PHEX: variants seen among roughly 807,000 people sequenced by gnomAD.
PHEX encodes the protein phosphate-regulating neutral endopeptidase PHEX.
Under a neutral mutation model 68.0 loss-of-function variants are expected in PHEX, and 16 were observed. The ratio of observed to expected loss-of-function variants is 0.24; its 90% CI spans 0.16 to 0.36. PHEX has a LOEUF of 0.36. PHEX is among the 10% of genes least tolerant of loss of function. The pLI is 1.00. For missense variants in PHEX, 480 were observed against 575.5 expected (o/e 0.83, Z 1.70); for synonymous variants, 208 against 205.1 (o/e 1.01, Z -0.12).
chrX:22,043,317 C>T (rs1022807532), intron 2 of PHEX, among the ~76,000 whole-genome samples: 5 of 112,133 alleles, frequency 4.5e-5, no homozygotes, highest in Non-Finnish European at 7.5e-5. Context: ...CTATTTGGTA[C>T]CTACTTATTC....
Position 22,179,019 on chromosome X carries a change from A to T in PHEX, c.1586+643A>T, listed in dbSNP as rs759927307. Among the ~76,000 whole-genome samples the T allele has an allele frequency of 9.8e-5, 11 of 112,213 alleles. No homozygotes were observed. In the East Asian group the frequency reaches 3.1e-3, roughly 31 times the overall value. ...TTATTATTTGTTTACATTGTACCAG[A>T]AAGTGCTTTACAATTTTTAATTCAT... On this transcript the variant is annotated intron_variant, in intron 14 of 21. Coordinates refer to ENST00000379374, the MANE Select transcript of PHEX (RefSeq NM_000444.6).
Position 22,249,453 on chromosome X carries a change from A to ATATATATATATATATATATAT in PHEX, c.*1500_*1501insTATATATATATATATATATAT, listed in dbSNP as rs1222771440. ...ATTTGTGATTCTTTTAAAAAAAAAA[A>ATATATATATATATATATATAT]AAATATATATATATATATATATATA... is the stretch of plus-strand genomic sequence containing the variant. On this transcript the variant is annotated 3_prime_UTR_variant, in exon 22 of 22. Coordinates refer to ENST00000379374, the MANE Select transcript of PHEX (RefSeq NM_000444.6). 2 of 28,033 alleles carry ATATATATATATATATATATAT rather than the reference A, an allele frequency of 7.1e-5. No individual in the cohort carries two copies. The highest frequency in any genetic ancestry group is 4.1e-4 in the African/African-American group (2 of 4,821). The allele number at this position is 28,033 out of a possible 1,213,427, so 2.3% of individuals were successfully genotyped here.
intron 3 of PHEX, among the ~76,000 whole-genome samples, chrX:22,053,356 A>G (rs1407436846): frequency 8.9e-6 from 1 of 112,026 alleles, no homozygotes; most frequent in African/African-American, 3.2e-5. Context: ...TGTGAAATAA[A>G]ATGGACTTGA....
rs148886869 is a variant in PHEX at position 22,174,958 on chromosome X, C to A, written c.1483-3315C>A. ...AACGAAAATAACATTGGAGTCAGAGCCAAATGACTTGGACGGTGTAGCTTT... is the reference window on the plus strand; with the variant it reads ...AACGAAAATAACATTGGAGTCAGAGACAAATGACTTGGACGGTGTAGCTTT... On this transcript the variant is annotated intron_variant, in intron 13 of 21. Transcript: ENST00000379374. 1.3e-4 allele frequency among the ~76,000 whole-genome samples: 15 copies of A among 111,808 alleles called. No homozygotes were observed. The East Asian group carries it at 4.2e-3, about 31-fold the overall frequency.
intron 12 of PHEX, among the ~76,000 whole-genome samples, chrX:22,155,384 G>C (rs941399043): frequency 2.7e-5 from 3 of 112,177 alleles, no homozygotes; most frequent in African/African-American, 9.7e-5. Context: ...ATGAGACAAG[G>C]GGATATGTTT....
At chrX:22,091,912 T>G (rs1036849668) in intron 6 of PHEX, among the ~76,000 whole-genome samples, 3 of 111,767 alleles carry the variant, frequency 2.7e-5, no homozygotes, top group Non-Finnish European at 3.8e-5. Flanking sequence ...GAACTCCCAT[T>G]TATAAAGCCA....
In PHEX at chrX:22,099,503, G is replaced by T; in HGVS notation, c.1079+352G>T. 8 of 173,356 alleles carry T rather than the reference G, an allele frequency of 4.6e-5. No homozygotes were observed. In the East Asian group the frequency reaches 4.6e-4, roughly 10 times the overall value. 14.3% of individuals were successfully genotyped at this position (173,356 alleles called of 1,213,427 possible). ...TTCCCCAGTTCATTCTCAATCTTTT[G>T]CTGCTTTTTTTTTTTTTTCCTGGTT... On this transcript the variant is annotated intron_variant, in intron 9 of 21. Coordinates refer to ENST00000379374, the MANE Select transcript of PHEX (RefSeq NM_000444.6).
At chrX:22,047,543 CT>C (rs1294931167) in intron 3 of PHEX, among the ~76,000 whole-genome samples, 12 of 111,924 alleles carry the variant, frequency 1.1e-4, no homozygotes, top group Non-Finnish European at 1.3e-4. Context: ...TCAGAGTAAA[CT>C]TCATTTCTTG....
chrX:22,125,979 A>G (rs991979522), intron 11 of PHEX, among the ~76,000 whole-genome samples: 1 of 111,732 alleles, frequency 8.9e-6, no homozygotes, highest in African/African-American at 3.3e-5. Flanking sequence ...ATTTGATTCA[A>G]TTTCAACTCT....
intron 19 of PHEX, among the ~76,000 whole-genome samples, chrX:22,227,189 G>A (rs1229837839): frequency 8.9e-6 from 1 of 112,413 alleles, no homozygotes; most frequent in Non-Finnish European, 1.9e-5. Context: ...AAAATGTATT[G>A]CCATAGGGGC....
At chrX:22,085,431 C>T (rs1352298396) in intron 5 of PHEX, among the ~76,000 whole-genome samples, 1 of 109,631 alleles carries the variant, frequency 9.1e-6, no homozygotes, top group Admixed American at 9.8e-5. Flanking sequence ...AAAAATTAGC[C>T]AGGCATGGTG....
At chrX:22,082,325 C>G (rs1929428056) in intron 5 of PHEX, among the ~76,000 whole-genome samples, 1 of 112,041 alleles carries the variant, frequency 8.9e-6, no homozygotes, top group South Asian at 3.7e-4. Context: ...TTCCCACCAG[C>G]AGTGTATAAG....
At chrX:22,242,268 G>A (rs1479961039) in intron 20 of PHEX, among the ~76,000 whole-genome samples, 1 of 111,719 alleles carries the variant, frequency 9.0e-6, no homozygotes, top group African/African-American at 3.3e-5. Flanking sequence ...GGTATCGATG[G>A]AACGTATCTC....
At position 22,240,232 on chromosome X, in the gene PHEX, G is replaced by A. The variant is rs12010223; in HGVS notation, c.2071-5101G>A. Reference sequence around the variant, plus strand: ...ACCAGGCCTGCCTTACAAGAGCTCCGCAAAGAAGCACTGAACACAGAAAGG... The same window carrying A: ...ACCAGGCCTGCCTTACAAGAGCTCCACAAAGAAGCACTGAACACAGAAAGG... On this transcript the variant is annotated intron_variant, in intron 20 of 21. Coordinates refer to ENST00000379374, the MANE Select transcript of PHEX (RefSeq NM_000444.6). Among the ~76,000 whole-genome samples, 13 of 111,587 alleles carry A rather than the reference G, an allele frequency of 1.2e-4. No homozygotes were observed. The South Asian group carries it at 4.9e-3, about 42-fold the overall frequency.
intron 15 of PHEX, among the ~76,000 whole-genome samples, chrX:22,207,109 C>G (rs1356549205): frequency 1.8e-5 from 2 of 112,013 alleles, no homozygotes; most frequent in African/African-American, 6.5e-5. Flanking sequence ...TCCATATTTA[C>G]TGATAGGAGA....
At chrX:22,138,465 G>C (rs2147091904) in intron 12 of PHEX, among the ~76,000 whole-genome samples, 1 of 112,021 alleles carries the variant, frequency 8.9e-6, no homozygotes, top group African/African-American at 3.2e-5. Flanking sequence ...GGAGACGAAA[G>C]GGGTCCTGGG....
chrX:22,247,910 A>T lies in PHEX; in HGVS notation c.2207A>T (p.Asn736Ile). ...EFQKAFNCPP[N>I]STMNRGMDSC... Reference sequence around the variant, plus strand: ...CAGAAAGCTTTTAACTGTCCACCCAATTCCACGATGAACAGAGGCATGGAC... The same window carrying T: ...CAGAAAGCTTTTAACTGTCCACCCATTTCCACGATGAACAGAGGCATGGAC... Residue 736 changes from asparagine to isoleucine, a missense_variant, in exon 22 of 22, where the codon AAT becomes ATT. Coordinates refer to ENST00000379374, the MANE Select transcript of PHEX (RefSeq NM_000444.6). 3 of 1,209,803 alleles carry T rather than the reference A, an allele frequency of 2.5e-6. No individual in the cohort carries two copies. The highest frequency in any genetic ancestry group is 3.4e-6 in the Non-Finnish European group (3 of 893,662).
chrX:22,138,860 C>T (rs1052901155), intron 12 of PHEX, among the ~76,000 whole-genome samples: 4 of 111,911 alleles, frequency 3.6e-5, no homozygotes, highest in African/African-American at 1.3e-4. Context: ...GCATGGAAAC[C>T]GCGGGCTGTG....
intron 11 of PHEX, among the ~76,000 whole-genome samples, chrX:22,124,694 T>C (rs1240243928): frequency 8.9e-6 from 1 of 111,869 alleles, no homozygotes; most frequent in Non-Finnish European, 1.9e-5. Context: ...AGATGAGTTA[T>C]AAAATTAGAA....
Sources: allele counts gnomAD v4.1 joint callset (sites outside exome capture counted in the v4.1 genomes callset), GRCh38; gene constraint gnomAD v4.1.1; transcripts MANE v1.5; gene names NCBI Gene and HGNC (gene_info 2026-07-23, HGNC 2026-07-21).